ERC1: variants seen among roughly 807,000 people sequenced by gnomAD.
ERC1 encodes the protein RAB6 interacting protein 2.
Under a neutral mutation model 132.0 loss-of-function variants are expected in ERC1, and 56 were observed. That is an observed-to-expected ratio of 0.42 (90% CI 0.34 to 0.53). ERC1 has a LOEUF of 0.53. Ranked by LOEUF, ERC1 falls within the 20% of genes least tolerant of loss-of-function variation. ERC1 has a pLI of 0.03. For synonymous variants in ERC1, 478 were observed against 476.1 expected (o/e 1.00, Z -0.05); for missense variants, 1,202 against 1,349.9 (o/e 0.89, Z 1.72).
At chr12:1,258,135 A>G (rs1042767488) in intron 13 of ERC1, among the ~76,000 whole-genome samples, 2 of 152,196 alleles carry the variant, frequency 1.3e-5, no homozygotes, top group African/African-American at 4.8e-5. Context: ...GATTTTCTCA[A>G]ATTAAGTGTG....
rs72073964 is a variant in ERC1, at chr12:994,066, C to CAA, written c.-157+2772_-157+2773dup. 3.7e-3 allele frequency among the ~76,000 whole-genome samples: 240 copies of CAA among 64,256 alleles called. 22 individuals carry two copies. The highest frequency in any genetic ancestry group is 5.2e-3 in the Non-Finnish European group (171 of 32,882). 42.2% of individuals were successfully genotyped at this position (64,256 alleles called of 152,430 possible). On this transcript the variant is annotated intron_variant, in intron 1 of 18. Coordinates refer to ENST00000360905, the MANE Select transcript of ERC1 (RefSeq NM_178040.4). Reference sequence around the variant, plus strand: ...CCTGAGTCACGGCAAAACTCCGTCTCAAAAAAAAAAAAAAAAAAAAAAAAA... The same window carrying CAA: ...CCTGAGTCACGGCAAAACTCCGTCTCAAAAAAAAAAAAAAAAAAAAAAAAAAA...
chr12:1,138,163 A>G lies in ERC1; in HGVS notation c.1570-3457A>G, dbSNP rs1375996682. Among the ~76,000 whole-genome samples, 430 of 87,980 alleles carry G rather than the reference A, an allele frequency of 4.9e-3. 1 individual carries two copies. The highest frequency in any genetic ancestry group is 7.4e-3 in the Admixed American group (58 of 7,800). The allele number at this position is 87,980 out of a possible 152,430, so 57.7% of individuals were successfully genotyped here. A position where few individuals can be genotyped will look rare whatever the true frequency, so the allele number is the denominator to read the frequency against. ...ATAATTATATTTATTTACATAATAT[A>G]TATAATTGTATATAATATATATCAT... On this transcript the variant is annotated intron_variant, in intron 7 of 18. Coordinates refer to ENST00000360905, the MANE Select transcript of ERC1 (RefSeq NM_178040.4).
intron 1 of ERC1, among the ~76,000 whole-genome samples, chr12:1,017,615 C>T (rs1349603569): frequency 6.6e-6 from 1 of 151,312 alleles, no homozygotes; most frequent in Non-Finnish European, 1.5e-5. Flanking sequence ...TCTCATGCCT[C>T]AGCCTCCCAA....
rs191229356 is a variant in ERC1, at chr12:1,001,679, C to T, written c.-157+10357C>T. ...TATGTATTCATGTCTGGCTTTGACTCAACATTTTGTTTGTAAGATTTAGAT... is the reference window on the plus strand; with the variant it reads ...TATGTATTCATGTCTGGCTTTGACTTAACATTTTGTTTGTAAGATTTAGAT... On this transcript the variant is annotated intron_variant, in intron 1 of 18. Transcript: ENST00000360905. 2.0e-5 allele frequency among the ~76,000 whole-genome samples: 3 copies of T among 152,170 alleles called. 1 individual carries two copies. The highest frequency in any genetic ancestry group is 2.0e-4 in the Admixed American group (3 of 15,286).
chr12:1,167,365 G>A (rs1274678320), intron 8 of ERC1, among the ~76,000 whole-genome samples: 1 of 152,180 alleles, frequency 6.6e-6, no homozygotes, highest in Admixed American at 6.5e-5. Context: ...TCTCATCTGT[G>A]GGAATGGCTG....
chr12:1,360,541 T>C (rs762129009), intron 15 of ERC1, among the ~76,000 whole-genome samples: 1 of 152,198 alleles, frequency 6.6e-6, no homozygotes, highest in Non-Finnish European at 1.5e-5. Context: ...CTCTGATTCA[T>C]TGTGCACAAG....
intron 17 of ERC1, among the ~76,000 whole-genome samples, chr12:1,434,023 C>A (rs1453085687): frequency 6.7e-6 from 1 of 149,084 alleles, no homozygotes; most frequent in Non-Finnish European, 1.5e-5. Context: ...GGTAGGAGAA[C>A]CAGGGAAAAG....
intron 12 of ERC1, among the ~76,000 whole-genome samples, chr12:1,196,868 C>A: frequency 6.8e-6 from 1 of 146,220 alleles, no homozygotes; most frequent in South Asian, 2.2e-4. Context: ...CACTCTCTCT[C>A]TCTCTCTCTC....
chr12:1,318,047 A>G (rs183001867), intron 15 of ERC1, among the ~76,000 whole-genome samples: 2 of 152,240 alleles, frequency 1.3e-5, no homozygotes, highest in African/African-American at 4.8e-5. Flanking sequence ...TACAAATACT[A>G]TTCTCAAATA....
intron 12 of ERC1, among the ~76,000 whole-genome samples, chr12:1,220,817 C>A (rs1958909003): frequency 6.6e-6 from 1 of 152,178 alleles, no homozygotes; most frequent in South Asian, 2.1e-4. Flanking sequence ...GAGGCGGTGG[C>A]CCTCATTACC....
intron 16 of ERC1, among the ~76,000 whole-genome samples, chr12:1,394,306 A>C (rs1566759496): frequency 6.6e-6 from 1 of 151,898 alleles, no homozygotes; most frequent in South Asian, 2.1e-4. Flanking sequence ...AGGCTGAGGC[A>C]GGAGAATGGT....
chr12:1,240,301 A>G (rs1051513083), intron 13 of ERC1, among the ~76,000 whole-genome samples: 1 of 152,148 alleles, frequency 6.6e-6, no homozygotes, highest in African/African-American at 2.4e-5. Flanking sequence ...TTGATAGTTT[A>G]TTGAAGCTGA....
At chr12:1,175,165 G>A (rs955736192) in intron 8 of ERC1, among the ~76,000 whole-genome samples, 3 of 152,180 alleles carry the variant, frequency 2.0e-5, no homozygotes, top group Admixed American at 1.3e-4. Flanking sequence ...CCTCTGTGTT[G>A]GTGGCTGCTG....
chr12:1,197,750 G>C (rs886665306), intron 12 of ERC1, among the ~76,000 whole-genome samples: 2 of 152,186 alleles, frequency 1.3e-5, no homozygotes, highest in African/African-American at 4.8e-5. Flanking sequence ...CTAATAGCTA[G>C]AAATTCCAGT....
chr12:1,307,510 A>C lies in ERC1; in HGVS notation c.2780+17498A>C, dbSNP rs138331223. Among the ~76,000 whole-genome samples the C allele has an allele frequency of 3.6e-3, 552 of 152,340 alleles. 4 individuals are homozygous for C. The highest frequency in any genetic ancestry group is 4.9e-3 in the Admixed American group (75 of 15,308). On this transcript the variant is annotated intron_variant, in intron 15 of 18. Coordinates refer to ENST00000360905, the MANE Select transcript of ERC1 (RefSeq NM_178040.4). ...TTTTTCTGTTGCAGCTGCTTGTCCT[A>C]CTACTTTTAGCTGTGGGTGCATCCT...
intron 8 of ERC1, among the ~76,000 whole-genome samples, chr12:1,150,857 G>A (rs796993470): frequency 4.6e-5 from 7 of 152,278 alleles, no homozygotes; most frequent in African/African-American, 1.4e-4. Context: ...CCATCCAAAC[G>A]TAATGACATA....
chr12:1,444,045 C>T (rs1354987869), intron 17 of ERC1: 2 of 152,706 alleles, frequency 1.3e-5, no homozygotes, highest in Non-Finnish European at 2.9e-5. Context: ...TGAGTTCCCT[C>T]ATCACATCTC....
At chr12:1,101,032 G>A (rs1944599730) in intron 3 of ERC1, among the ~76,000 whole-genome samples, 1 of 152,070 alleles carries the variant, frequency 6.6e-6, no homozygotes, top group Admixed American at 6.6e-5. Context: ...TGAGCAGTTG[G>A]GTAAAATGCT....
chr12:1,080,106 C>T (rs901940313), intron 2 of ERC1, among the ~76,000 whole-genome samples: 1 of 152,198 alleles, frequency 6.6e-6, no homozygotes, highest in African/African-American at 2.4e-5. Flanking sequence ...TTATGACCAA[C>T]ATCTTCTCTC....
Sources: allele counts gnomAD v4.1 joint callset (sites outside exome capture counted in the v4.1 genomes callset), GRCh38; gene constraint gnomAD v4.1.1; transcripts MANE v1.5; gene names NCBI Gene and HGNC (gene_info 2026-07-23, HGNC 2026-07-21).